TSPAN9: variants seen among roughly 807,000 people sequenced by gnomAD.
TSPAN9 encodes the protein tetraspanin-9.
A neutral mutation model predicts 31.0 loss-of-function variants in TSPAN9; 16 were observed. That is an observed-to-expected ratio of 0.52 (90% CI 0.35 to 0.78). The LOEUF is 0.78. Among genes scored for constraint, TSPAN9 ranks in the 30% least tolerant of loss-of-function variants. The pLI, the probability that TSPAN9 is intolerant of heterozygous loss-of-function variation, is 0.01. For missense variants in TSPAN9, 272 were observed against 312.5 expected, an observed-to-expected ratio of 0.87 and a Z score of 0.98; for synonymous variants, 145 against 121.6, an observed-to-expected ratio of 1.19 and a Z score of -1.27.
chr12:3,261,763 G>T (rs370729782), intron 3 of TSPAN9, among the ~76,000 whole-genome samples: 3 of 152,302 alleles, frequency 2.0e-5, no homozygotes, highest in African/African-American at 7.2e-5. Flanking sequence ...GCCCTGAGGG[G>T]TACCTGCACC....
intron 3 of TSPAN9, among the ~76,000 whole-genome samples, chr12:3,213,309 C>G (rs541252521): frequency 6.6e-6 from 1 of 152,190 alleles, no homozygotes; most frequent in African/African-American, 2.4e-5. Context: ...CGGGTGTGTT[C>G]TGAAGCCTCA....
chr12:3,240,164 CT>C (rs2098395876), intron 3 of TSPAN9, among the ~76,000 whole-genome samples: 1 of 150,644 alleles, frequency 6.6e-6, no homozygotes, highest in East Asian at 1.9e-4. Context: ...CTTTCACCCC[CT>C]GTTTTCCTCC....
chr12:3,111,495 T>G (rs2098318655), intron 2 of TSPAN9, among the ~76,000 whole-genome samples: 1 of 152,228 alleles, frequency 6.6e-6, no homozygotes, highest in South Asian at 2.1e-4. Context: ...ATGAGGTTTA[T>G]GTGAGGATTA....
intron 2 of TSPAN9, among the ~76,000 whole-genome samples, chr12:3,155,504 C>G (rs758383357): frequency 6.6e-6 from 1 of 151,772 alleles, no homozygotes; most frequent in Non-Finnish European, 1.5e-5. Flanking sequence ...GAGGCCGAGG[C>G]GGGAGGATCC....
chr12:3,079,968 G>T (rs10444474), intron 1 of TSPAN9, among the ~76,000 whole-genome samples: 6 of 144,240 alleles, frequency 4.2e-5, no homozygotes, highest in Admixed American at 2.1e-4. Flanking sequence ...TTTTGGTAGA[G>T]ACAGGGTTGT....
At chr12:3,085,446 C>T (rs1242141775) in intron 2 of TSPAN9, among the ~76,000 whole-genome samples, 1 of 151,772 alleles carries the variant, frequency 6.6e-6, no homozygotes, top group Non-Finnish European at 1.5e-5. Flanking sequence ...CGTTGAAACC[C>T]AAGTGAGGGA....
chr12:3,266,516 G>A (rs781497190), intron 3 of TSPAN9, among the ~76,000 whole-genome samples: 75 of 152,336 alleles, frequency 4.9e-4, no homozygotes, highest in Non-Finnish European at 7.5e-4. Context: ...CCTGGGACAC[G>A]TTTGTCTGGG....
chr12:3,282,147 C>T (rs1489675182), intron 8 of TSPAN9: 10 of 612,646 alleles, frequency 1.6e-5, no homozygotes, highest in South Asian at 3.8e-5. Flanking sequence ...CGGTGTCCCC[C>T]GGTCACCATC....
chr12:3,277,989 A>C (rs1862820999), intron 3 of TSPAN9, among the ~76,000 whole-genome samples: 1 of 152,190 alleles, frequency 6.6e-6, no homozygotes, highest in Non-Finnish European at 1.5e-5. Context: ...ACCTCCAGAG[A>C]TGAAGTCTTT....
At chr12:3,230,136 T>C (rs535780552) in intron 3 of TSPAN9, among the ~76,000 whole-genome samples, 69 of 152,156 alleles carry the variant, frequency 4.5e-4, no homozygotes, top group Admixed American at 2.0e-4. Context: ...CCTGCATCAC[T>C]CTATGGAGGC....
intron 3 of TSPAN9, among the ~76,000 whole-genome samples, chr12:3,261,982 C>T (rs1407713036): frequency 1.3e-5 from 2 of 152,246 alleles, no homozygotes; most frequent in Non-Finnish European, 2.9e-5. Context: ...AGGATTACAT[C>T]GTTGGAGGTT....
intron 2 of TSPAN9, among the ~76,000 whole-genome samples, chr12:3,191,203 G>C (rs1024572409): frequency 1.3e-5 from 2 of 152,134 alleles, no homozygotes; most frequent in African/African-American, 4.8e-5. Context: ...AGGAGAGGGA[G>C]TTGCTGAGAG....
chr12:3,162,929 G>A (rs143472126), intron 2 of TSPAN9, among the ~76,000 whole-genome samples: 132 of 152,340 alleles, frequency 8.7e-4, no homozygotes, highest in Non-Finnish European at 1.4e-3. Flanking sequence ...GCAGCAGAAC[G>A]TCGGAGGGAC....
chr12:3,213,833 T>A (rs1005205750), intron 3 of TSPAN9, among the ~76,000 whole-genome samples: 1 of 151,892 alleles, frequency 6.6e-6, no homozygotes, highest in African/African-American at 2.4e-5. Flanking sequence ...TCTCACAACT[T>A]GGGGCAGGGA....
At chr12:3,189,893 C>T (rs1367420149) in intron 2 of TSPAN9, among the ~76,000 whole-genome samples, 2 of 152,124 alleles carry the variant, frequency 1.3e-5, no homozygotes, top group African/African-American at 2.4e-5. Context: ...TAATGCACTG[C>T]GGGCCTTCGA....
chr12:3,084,482 C>G (rs557457808), intron 2 of TSPAN9, among the ~76,000 whole-genome samples: 1 of 152,254 alleles, frequency 6.6e-6, no homozygotes, highest in South Asian at 2.1e-4. Context: ...ATGGTGCTGG[C>G]TGGTGGCTCA....
At chr12:3,158,754 C>T (rs1722840737) in intron 2 of TSPAN9, among the ~76,000 whole-genome samples, 1 of 145,138 alleles carries the variant, frequency 6.9e-6, no homozygotes, top group South Asian at 2.2e-4. Flanking sequence ...GCATAGGCTT[C>T]CACTGTGTCG....
intron 3 of TSPAN9, among the ~76,000 whole-genome samples, chr12:3,232,739 G>A (rs1291121733): frequency 6.6e-6 from 1 of 152,164 alleles, no homozygotes; most frequent in Non-Finnish European, 1.5e-5. Context: ...TTGGTGCATG[G>A]GTCTGGCGCA....
rs138336459 is a variant in TSPAN9 at position 3,267,240 on chromosome 12, T to C, written c.64-11181T>C. 6.7e-3 allele frequency among the ~76,000 whole-genome samples: 1,023 copies of C among 152,296 alleles called. 8 individuals carry two copies. Among genetic ancestry groups the C allele is most frequent in the African/African-American group, 0.024 (993 of 41,566 alleles). On this transcript the variant is annotated intron_variant, in intron 3 of 8. Transcript: ENST00000011898. The stretch of plus-strand genomic sequence containing the variant: ...CCAGAAGATGGTATCCTTGTCCTGT[T>C]CTCCCTGCATTTTCCAAGGAGTTTG...
Sources: gnomAD v4.1 joint callset for allele counts (sites outside exome capture counted in the v4.1 genomes callset) on GRCh38, gnomAD v4.1.1 for gene constraint, MANE v1.5 for transcripts, NCBI Gene and HGNC (gene_info 2026-07-23, HGNC 2026-07-21) for gene names.